The following CRHR1 variants were observed in gnomAD, a reference collection of about 807,000 sequenced individuals.
CRHR1 encodes the protein corticotropin releasing hormone receptor 1, also known as corticotropin-releasing hormone receptor 1.
Under a neutral mutation model 56.0 loss-of-function variants are expected in CRHR1, and 28 were observed. That is an observed-to-expected ratio of 0.50 (90% CI 0.37 to 0.69). CRHR1 has a LOEUF of 0.69. CRHR1 is among the 30% of genes least tolerant of loss of function. The probability of loss-of-function intolerance (pLI) is 0.00; values close to 1 mark genes in which losing one functional copy is unlikely to be tolerated. For missense variants in CRHR1, 376 were observed against 548.0 expected, an observed-to-expected ratio of 0.69 and a Z score of 3.13; for synonymous variants, 195 against 216.5, an observed-to-expected ratio of 0.90 and a Z score of 0.87.
intron 1 of CRHR1, among the ~76,000 whole-genome samples, chr17:45,796,753 G>A (rs2061525060): frequency 6.6e-6 from 1 of 152,114 alleles, no homozygotes; most frequent in African/African-American, 2.4e-5. Flanking sequence ...AGTAAAGGCT[G>A]AAGAAAGAAA....
chr17:45,794,813 A>C (rs1187618504), intron 1 of CRHR1, among the ~76,000 whole-genome samples: 1 of 152,154 alleles, frequency 6.6e-6, no homozygotes, highest in African/African-American at 2.4e-5. Context: ...CCCCGCACTC[A>C]TCCAAGGTAA....
intron 1 of CRHR1, among the ~76,000 whole-genome samples, chr17:45,791,379 G>T (rs1024936742): frequency 2.0e-5 from 3 of 152,212 alleles, no homozygotes; most frequent in Admixed American, 1.3e-4. Context: ...GCACGGGCCT[G>T]GCAGGGTGCC....
chr17:45,797,247 AC>A (rs2061534374), intron 1 of CRHR1, among the ~76,000 whole-genome samples: 1 of 146,756 alleles, frequency 6.8e-6, no homozygotes, highest in Non-Finnish European at 1.5e-5. Flanking sequence ...CGGCCTGCGC[AC>A]CTAGTCCCAT....
chr17:45,787,687 G>A (rs986764779), intron 1 of CRHR1, among the ~76,000 whole-genome samples: 2 of 152,252 alleles, frequency 1.3e-5, no homozygotes, highest in African/African-American at 4.8e-5. Flanking sequence ...GGCTCTGCAG[G>A]AGACTGTCAA....
At chr17:45,810,115 A>G (rs918857121) in intron 2 of CRHR1, among the ~76,000 whole-genome samples, 1 of 152,088 alleles carries the variant, frequency 6.6e-6, no homozygotes, top group Non-Finnish European at 1.5e-5. Flanking sequence ...CCCCGTCTCT[A>G]CTAAAAATAA....
intron 4 of CRHR1, among the ~76,000 whole-genome samples, chr17:45,828,128 C>T (rs1221513559): frequency 6.6e-6 from 1 of 152,180 alleles, no homozygotes; most frequent in African/African-American, 2.4e-5. Flanking sequence ...AGTTTGACTG[C>T]GTGTCAAGCT....
In CRHR1 at chr17:45,821,395, C is replaced by T. The variant is rs1299308082; in HGVS notation, c.282C>T (p.Ala94=). 4 of 1,613,320 alleles carry T rather than the reference C, an allele frequency of 2.5e-6. No homozygotes were observed. Among genetic ancestry groups the T allele is most frequent in the East Asian group, 2.2e-5 (1 of 44,896 alleles). ...AGTGCCTGGCCAATGGCAGCTGGGC[C>T]GCCCGCGTGAATTACTCCGAGTGCC... ...YRECLANGSW[A]ARVNYSECQE... is the part of the protein sequence containing the mutation. Residue 94 remains alanine (A), a synonymous_variant, in exon 4 of 13, where the codon GCC becomes GCT. Coordinates refer to ENST00000314537, the MANE Select transcript of CRHR1 (RefSeq NM_004382.5).
intron 1 of CRHR1, among the ~76,000 whole-genome samples, chr17:45,801,403 C>T (rs1041917126): frequency 5.9e-5 from 9 of 152,308 alleles, no homozygotes; most frequent in Middle Eastern, 3.4e-3. Context: ...GCATGATACC[C>T]GCCCAGTCTG....
rs1164694329 is a variant in CRHR1, at chr17:45,787,172, A to G, written c.33+2595A>G. On this transcript the variant is annotated intron_variant, in intron 1 of 12. Coordinates refer to ENST00000314537, the MANE Select transcript of CRHR1 (RefSeq NM_004382.5). ...GAGTCCTGGGGGAAAATGTGTGTGA[A>G]TGGGGAGAGACAGGGTGTGTGAAAG... Among the ~76,000 whole-genome samples, 12 of 152,286 alleles carry G rather than the reference A, an allele frequency of 7.9e-5. No homozygotes were observed. The East Asian group carries it at 2.3e-3, about 29-fold the overall frequency.
rs376942497 is a variant in CRHR1 at position 45,830,248 on chromosome 17, G to A, written c.555+34G>A. ...TGGCAGGGGAGCGGGGAGCAGGTCAGGCCAAACCCAGGTCAGAGGAGGGGC... is the reference window on the plus strand; with the variant it reads ...TGGCAGGGGAGCGGGGAGCAGGTCAAGCCAAACCCAGGTCAGAGGAGGGGC... On this transcript the variant is annotated intron_variant, in intron 6 of 12. Coordinates refer to ENST00000314537, the MANE Select transcript of CRHR1 (RefSeq NM_004382.5). The A allele has an allele frequency of 1.9e-6, 3 of 1,611,858 alleles. No homozygotes were observed. The African/African-American group carries it at 4.0e-5, about 22-fold the overall frequency.
chr17:45,805,680 C>T (rs2061706293), intron 1 of CRHR1, among the ~76,000 whole-genome samples: 1 of 152,130 alleles, frequency 6.6e-6, no homozygotes, highest in Admixed American at 6.5e-5. Context: ...AGGCTCACCA[C>T]CCTGTCTGGG....
At position 45,833,750 on chromosome 17, in the gene CRHR1, C is replaced by T; in HGVS notation, c.966C>T (p.Leu322=). 1 of 1,613,018 alleles carries T rather than the reference C, an allele frequency of 6.2e-7. No homozygotes were observed. Among genetic ancestry groups the T allele is most frequent in the Non-Finnish European group, 8.5e-7 (1 of 1,179,610 alleles). The change falls in exon 11 of 13, where the codon CTC becomes CTT. Residue 322 remains leucine (L), a synonymous_variant. Coordinates refer to ENST00000314537, the MANE Select transcript of CRHR1 (RefSeq NM_004382.5). The part of the protein sequence containing the change: ...AVKATLVLLP[L]LGITYMLFFV... The stretch of plus-strand genomic sequence containing the variant: ...AAGCCACTCTGGTGCTGCTGCCCCT[C>T]CTGGGCATCACCTACATGCTGTTCT...
chr17:45,793,653 C>T (rs1445146512), intron 1 of CRHR1, among the ~76,000 whole-genome samples: 1 of 152,338 alleles, frequency 6.6e-6, no homozygotes, highest in East Asian at 1.9e-4. Context: ...GCTGGGGCCT[C>T]ATGGCCTGAC....
intron 1 of CRHR1, among the ~76,000 whole-genome samples, chr17:45,793,593 C>G (rs746205853): frequency 3.5e-4 from 53 of 152,192 alleles, no homozygotes; most frequent in Non-Finnish European, 6.6e-4. Flanking sequence ...CTCCAGCTCC[C>G]TGTGAGTCGG....
intron 12 of CRHR1, 66 bp from the exon 13 acceptor site, chr17:45,834,554 TGGCG>T: frequency 6.5e-7 from 1 of 1,531,232 alleles, no homozygotes; most frequent in Non-Finnish European, 8.8e-7. Flanking sequence ...CAGCTGCTCG[TGGCG>T]GCCCAGGGGA....
At chr17:45,797,246 C>T (rs181227901) in intron 1 of CRHR1, among the ~76,000 whole-genome samples, 2 of 151,656 alleles carry the variant, frequency 1.3e-5, no homozygotes, top group Non-Finnish European at 2.9e-5. Context: ...GCGGCCTGCG[C>T]ACCTAGTCCC....
At chr17:45,833,388 A>G in intron 9 of CRHR1, 64 bp from the exon 10 acceptor site, 1 of 1,556,042 alleles carries the variant, frequency 6.4e-7, no homozygotes, top group Non-Finnish European at 8.9e-7. Flanking sequence ...CTGAGGCCAG[A>G]GCTGAGAAGC....
At chr17:45,829,607 G>A (rs75638861) in intron 5 of CRHR1, 18,795 of 1,551,020 alleles carry the variant, frequency 0.012, 136 homozygotes, top group Middle Eastern at 0.025. Context: ...AGCCCTGGAG[G>A]TGGGGGCTCC....
chr17:45,801,142 C>T (rs528017723), intron 1 of CRHR1, among the ~76,000 whole-genome samples: 4 of 152,296 alleles, frequency 2.6e-5, no homozygotes, highest in East Asian at 1.9e-4. Flanking sequence ...GCAGCTGCTG[C>T]AGGCTGGAGC....
Sources: allele counts gnomAD v4.1 joint callset (sites outside exome capture counted in the v4.1 genomes callset), GRCh38; gene constraint gnomAD v4.1.1; transcripts MANE v1.5; gene names NCBI Gene and HGNC (gene_info 2026-07-23, HGNC 2026-07-21).